Variants in PCSK2 observed in about 807,000 individuals in gnomAD.
The protein encoded by PCSK2 is proprotein convertase subtilisin/kexin type 2, also known as neuroendocrine convertase 2.
Under a neutral mutation model 69.7 loss-of-function variants are expected in PCSK2, and 14 were observed. That is an observed-to-expected ratio of 0.20 (90% CI 0.13 to 0.31). The LOEUF is 0.31. Ranked by LOEUF, PCSK2 falls within the 10% of genes least tolerant of loss-of-function variation. PCSK2 has a pLI of 1.00. For missense variants in PCSK2, 544 were observed against 842.5 expected, an observed-to-expected ratio of 0.65 and a Z score of 4.39; for synonymous variants, 307 against 320.7, an observed-to-expected ratio of 0.96 and a Z score of 0.46.
chr20:17,247,081 T>G (rs186987581), intron 1 of PCSK2, among the ~76,000 whole-genome samples: 1 of 152,144 alleles, frequency 6.6e-6, no homozygotes, highest in African/African-American at 2.4e-5. Flanking sequence ...CCTACTTGAC[T>G]TGGAAGGAGA....
At chr20:17,381,543 C>T (rs546535244) in intron 5 of PCSK2, among the ~76,000 whole-genome samples, 3 of 152,032 alleles carry the variant, frequency 2.0e-5, no homozygotes, top group African/African-American at 4.8e-5. Flanking sequence ...AAAAAAAATG[C>T]GTTGTTTGAT....
At chr20:17,383,033 C>G (rs895575738) in intron 5 of PCSK2, among the ~76,000 whole-genome samples, 12 of 152,180 alleles carry the variant, frequency 7.9e-5, no homozygotes, top group African/African-American at 2.9e-4. Context: ...ATTAGAATGT[C>G]AGCCCCAGGA....
intron 1 of PCSK2, among the ~76,000 whole-genome samples, chr20:17,246,221 C>A (rs1458328472): frequency 2.0e-5 from 3 of 152,200 alleles, no homozygotes; most frequent in Non-Finnish European, 2.9e-5. Flanking sequence ...GGCAACATGT[C>A]AGTACCTCAA....
At chr20:17,256,217 A>C (rs1478820012) in intron 1 of PCSK2, among the ~76,000 whole-genome samples, 5 of 151,892 alleles carry the variant, frequency 3.3e-5, no homozygotes, top group African/African-American at 9.7e-5. Context: ...CTTTCTTCTT[A>C]TTATTTTTAT....
intron 8 of PCSK2, among the ~76,000 whole-genome samples, chr20:17,445,922 C>T (rs572188752): frequency 2.0e-5 from 3 of 152,334 alleles, no homozygotes; most frequent in African/African-American, 7.2e-5. Context: ...TCGGGTGATC[C>T]TTGTGACCAG....
chr20:17,227,584 A>C, intron 1 of PCSK2, 102 bp downstream of exon 1: 3 of 824,860 alleles, frequency 3.6e-6, no homozygotes, highest in Non-Finnish European at 5.8e-6. Context: ...TCTCTTTCTC[A>C]TGCGATGCAG....
intron 1 of PCSK2, among the ~76,000 whole-genome samples, chr20:17,234,204 A>G (rs1986247746): frequency 6.6e-6 from 1 of 152,214 alleles, no homozygotes; most frequent in Non-Finnish European, 1.5e-5. Context: ...GTTCTGTGAG[A>G]GCACACATAT....
chr20:17,389,504 A>T (rs1335757384), intron 5 of PCSK2, among the ~76,000 whole-genome samples: 2 of 152,008 alleles, frequency 1.3e-5, no homozygotes, highest in Admixed American at 1.3e-4. Flanking sequence ...GAAGAAACAG[A>T]TGCTCTTTGG....
intron 1 of PCSK2, among the ~76,000 whole-genome samples, chr20:17,240,578 G>A (rs1235348412): frequency 6.6e-6 from 1 of 152,190 alleles, no homozygotes; most frequent in Admixed American, 6.5e-5. Context: ...AAGGCAGGCA[G>A]TGCATCAATA....
rs183575261 is a variant in PCSK2 at position 17,268,324 on chromosome 20, T to C, written c.282+7980T>C. 2.6e-5 allele frequency among the ~76,000 whole-genome samples: 4 copies of C among 151,992 alleles called. No individual in the cohort carries two copies. The East Asian group carries it at 7.8e-4, about 29-fold the overall frequency. ...AAACAAAAAACAGATGACCAAGCAA[T>C]TGTATGAATGGTGGTCAAAATGCTA... On this transcript the variant is annotated intron_variant, in intron 2 of 11. Transcript: ENST00000262545.
At chr20:17,318,843 T>C (rs892750814) in intron 2 of PCSK2, among the ~76,000 whole-genome samples, 3 of 152,188 alleles carry the variant, frequency 2.0e-5, no homozygotes, top group Non-Finnish European at 2.9e-5. Context: ...TCTGCCACTT[T>C]AGACAAGAAG....
intron 2 of PCSK2, among the ~76,000 whole-genome samples, chr20:17,347,503 T>C (rs1282157518): frequency 6.6e-6 from 1 of 152,106 alleles, no homozygotes; most frequent in Non-Finnish European, 1.5e-5. Flanking sequence ...TGATGAGCTG[T>C]GTCCAGCTCA....
intron 6 of PCSK2, among the ~76,000 whole-genome samples, chr20:17,428,312 C>T (rs546961483): frequency 1.3e-5 from 2 of 152,096 alleles, no homozygotes; most frequent in South Asian, 2.1e-4. Context: ...ACATGATAGG[C>T]GGGTTTCATT....
At chr20:17,396,860 G>C (rs890610) in intron 5 of PCSK2, among the ~76,000 whole-genome samples, 110,703 of 152,038 alleles carry the variant, frequency 0.73, 40,633 homozygotes, top group South Asian at 0.86. Context: ...TGTCACCATG[G>C]GGGGCATAGA....
chr20:17,449,659 C>T lies in PCSK2; in HGVS notation c.886-4083C>T, dbSNP rs932651651. On this transcript the variant is annotated intron_variant, in intron 8 of 11. Transcript: ENST00000262545. ...AATTCTGACTCAGCCTCCCGAGTAG[C>T]TGGGACTACAGGCATGCACCACCAC... Among the ~76,000 whole-genome samples, 4 of 151,758 alleles carry T rather than the reference C, an allele frequency of 2.6e-5. No homozygotes were observed. In the East Asian group the frequency reaches 5.8e-4, roughly 22 times the overall value.
intron 2 of PCSK2, among the ~76,000 whole-genome samples, chr20:17,356,127 A>G (rs1310592785): frequency 6.6e-6 from 1 of 152,176 alleles, no homozygotes; most frequent in Non-Finnish European, 1.5e-5. Context: ...TTATATATAT[A>G]CACACATACA....
At chr20:17,232,987 C>T (rs895629002) in intron 1 of PCSK2, among the ~76,000 whole-genome samples, 8 of 152,160 alleles carry the variant, frequency 5.3e-5, no homozygotes, top group Admixed American at 2.0e-4. Flanking sequence ...CAAGCTAATC[C>T]CTCAAGACCT....
chr20:17,296,246 C>T (rs889726566), intron 2 of PCSK2, among the ~76,000 whole-genome samples: 2 of 152,128 alleles, frequency 1.3e-5, no homozygotes, highest in African/African-American at 2.4e-5. Flanking sequence ...ACACAGGGTC[C>T]GCTACACAGC....
chr20:17,358,900 A>T (rs3920552), intron 3 of PCSK2, among the ~76,000 whole-genome samples: 112,048 of 152,128 alleles, frequency 0.74, 41,510 homozygotes, highest in African/African-American at 0.78. Context: ...CAAAAAGAGC[A>T]TCTATTAATG....
Sources: allele counts gnomAD v4.1 joint callset (sites outside exome capture counted in the v4.1 genomes callset), GRCh38; gene constraint gnomAD v4.1.1; transcripts MANE v1.5; gene names NCBI Gene and HGNC (gene_info 2026-07-23, HGNC 2026-07-21).